The following HOXA13 variants were observed in gnomAD, a reference collection of about 807,000 sequenced individuals.
HOXA13 encodes the protein homeobox protein Hox-A13.
In HOXA13, 5 loss-of-function variants were observed where a neutral mutation model predicts 25.7. That is an observed-to-expected ratio of 0.19 (90% CI 0.10 to 0.41). The LOEUF (loss-of-function observed/expected upper bound fraction) is 0.41. HOXA13 is among the 10% of genes least tolerant of loss of function. HOXA13 has a pLI of 1.00. For synonymous variants in HOXA13, 284 were observed against 241.1 expected, an observed-to-expected ratio of 1.18 and a Z score of -1.65; for missense variants, 557 against 533.5, an observed-to-expected ratio of 1.04 and a Z score of -0.43.
rs1468323601 is a variant in HOXA13, at chr7:27,198,336, C to T, written c.1029G>A (p.Thr343=). ...GTTTGTCCTTAGTAATGAATTTATT[C>T]GTGGCGTATTCCCGTTCAAGTTCTT... ...QLKELEREYA[T]NKFITKDKRR... The change falls in exon 2 of 2, where the codon ACG becomes ACA. Residue 343 remains threonine, a synonymous_variant. Transcript: ENST00000649031. 6.2e-7 allele frequency: 1 copy of T among 1,614,060 alleles called. No homozygotes were observed. The highest frequency in any genetic ancestry group is 8.5e-7 in the Non-Finnish European group (1 of 1,180,044).
Position 27,194,440 on chromosome 7 carries a change from C to A in HOXA13, c.*3758G>T, listed in dbSNP as rs2115468903. On this transcript the variant is annotated 3_prime_UTR_variant, in exon 2 of 2. Coordinates refer to ENST00000649031, the MANE Select transcript of HOXA13 (RefSeq NM_000522.5). ...TTTAGAAAAAAATACTTTAATCAGG[C>A]TTTCAACAACATTATCCATGGGTCA... is the stretch of plus-strand genomic sequence containing the variant. The A allele has an allele frequency of 6.6e-6, 1 of 152,206 alleles. No homozygotes were observed. Among genetic ancestry groups the A allele is most frequent in the South Asian group, 2.1e-4 (1 of 4,826 alleles). 9.4% of individuals were successfully genotyped at this position (152,206 alleles called of 1,614,324 possible). A position where few individuals can be genotyped will look rare whatever the true frequency, so the allele number is the denominator to read the frequency against.
At position 27,195,262 on chromosome 7, in the gene HOXA13, G is replaced by C. The variant is rs1783991242; in HGVS notation, c.*2936C>G. 1 of 152,224 alleles carries C rather than the reference G, an allele frequency of 6.6e-6. No homozygotes were observed. Among genetic ancestry groups the C allele is most frequent in the African/African-American group, 2.4e-5 (1 of 41,460 alleles). The allele number at this position is 152,224 out of a possible 1,614,324, so 9.4% of individuals were successfully genotyped here. On this transcript the variant is annotated 3_prime_UTR_variant, in exon 2 of 2. Coordinates refer to ENST00000649031, the MANE Select transcript of HOXA13 (RefSeq NM_000522.5). ...AGTTGTGAGTCCTCAGGAGAGGTTG[G>C]AGAGGTTTCCGGCAGCCACTTTTGT...
At position 27,198,081 on chromosome 7, in the gene HOXA13, T is replaced by TCCC; in HGVS notation, c.*116_*117insGGG. 8.6e-7 allele frequency: 1 copy of TCCC among 1,158,958 alleles called. No individual in the cohort carries two copies. The highest frequency in any genetic ancestry group is 1.5e-5 in the African/African-American group (1 of 65,318). The allele number at this position is 1,158,958 out of a possible 1,614,324, so 71.8% of individuals were successfully genotyped here. On this transcript the variant is annotated 3_prime_UTR_variant, in exon 2 of 2. Coordinates refer to ENST00000649031, the MANE Select transcript of HOXA13 (RefSeq NM_000522.5). ...TTCGGGAGAGGAAAATGCCAGTCTC[T>TCCC]GTCTCTTTCTCTTTCCCATTCTTCA...
At position 27,194,505 on chromosome 7, in the gene HOXA13, G is replaced by A. The variant is rs1783982729; in HGVS notation, c.*3693C>T. On this transcript the variant is annotated 3_prime_UTR_variant, in exon 2 of 2. Transcript: ENST00000649031. ...TATTCCTATTTTTCAGGAGGTGGCT[G>A]GTCTCTCCTTGATTTTTGTTTTTGT... 1 of 152,082 alleles carries A rather than the reference G, an allele frequency of 6.6e-6. No homozygotes were observed. The highest frequency in any genetic ancestry group is 6.6e-5 in the Admixed American group (1 of 15,264). 9.4% of individuals were successfully genotyped at this position (152,082 alleles called of 1,614,324 possible). A position where few individuals can be genotyped will look rare whatever the true frequency, so the allele number is the denominator to read the frequency against.
At position 27,199,694 on chromosome 7, in the gene HOXA13, GGCGGCTGCAGCGGCAGCCGCGGCAGCA is replaced by G. The variant is rs1319557765; in HGVS notation, c.357_383del (p.Ala125_Ala133del). ...CCGAGGACGACGCGGCGGCGGCGGC[GGCGGCTGCAGCGGCAGCCGCGGCAGCA>G]GCGGCGGCAGCCGACGGGGGCGCCT... On this transcript the variant is annotated inframe_deletion, in exon 1 of 2. Coordinates refer to ENST00000649031, the MANE Select transcript of HOXA13 (RefSeq NM_000522.5). 12 of 1,106,614 alleles carry G rather than the reference GGCGGCTGCAGCGGCAGCCGCGGCAGCA, an allele frequency of 1.1e-5. No homozygotes were observed. Among genetic ancestry groups the G allele is most frequent in the Admixed American group, 5.1e-5 (1 of 19,592 alleles). 68.5% of individuals were successfully genotyped at this position (1,106,614 alleles called of 1,614,324 possible).
rs113679804 is a variant in HOXA13, at chr7:27,199,033, G to A, written c.922+123C>T. ...GCCAGCCATGCTCGGGCTCCCAGGG[G>A]TGCAGAGCCGCTAGGGCAGACCAGG... On this transcript the variant is annotated intron_variant, in intron 1 of 1. Transcript: ENST00000649031. 4.4e-6 allele frequency: 4 copies of A among 915,564 alleles called. No individual in the cohort carries two copies. In the African/African-American group the frequency reaches 5.0e-5, roughly 11 times the overall value. 56.7% of individuals were successfully genotyped at this position (915,564 alleles called of 1,614,324 possible). A position where few individuals can be genotyped will look rare whatever the true frequency, so the allele number is the denominator to read the frequency against.
rs1220668905 is a variant in HOXA13 at position 27,195,043 on chromosome 7, G to C, written c.*3155C>G. 1 of 152,210 alleles carries C rather than the reference G, an allele frequency of 6.6e-6. No individual in the cohort carries two copies. The highest frequency in any genetic ancestry group is 6.5e-5 in the Admixed American group (1 of 15,272). 9.4% of individuals were successfully genotyped at this position (152,210 alleles called of 1,614,324 possible). ...CTTGATGGCAGCTCATTTGGAAATG[G>C]AGTACTGTTTGGAACAAGAGGTGGA... On this transcript the variant is annotated 3_prime_UTR_variant, in exon 2 of 2. Transcript: ENST00000649031.
At position 27,196,463 on chromosome 7, in the gene HOXA13, G is replaced by A. The variant is rs567204562; in HGVS notation, c.*1735C>T. On this transcript the variant is annotated 3_prime_UTR_variant, in exon 2 of 2. Coordinates refer to ENST00000649031, the MANE Select transcript of HOXA13 (RefSeq NM_000522.5). ...ACAAATTGTCTTTTTTTTCGTCAAG[G>A]TCAAGGTTTAAGGCCTTTCGTAGTC... The A allele has an allele frequency of 3.9e-5, 6 of 152,204 alleles. No homozygotes were observed. The East Asian group carries it at 5.8e-4, about 15-fold the overall frequency. 9.4% of individuals were successfully genotyped at this position (152,204 alleles called of 1,614,324 possible).
At position 27,198,395 on chromosome 7, in the gene HOXA13, T is replaced by C. The variant is rs1207176698; in HGVS notation, c.970A>G (p.Lys324Glu). ...ACCTTGGTATAAGGCACGCGCTTCT[T>C]TCTCCCCCTCCTATAGGAGCTGGCA... is the stretch of plus-strand genomic sequence containing the variant. Reference protein sequence around the residue: ...SDASSYRRGRKKRVPYTKVQL... With the variant: ...SDASSYRRGREKRVPYTKVQL... Residue 324 changes from lysine to glutamate, a missense_variant, in exon 2 of 2, where the codon AAG (lysine) becomes GAG (glutamate). Transcript: ENST00000649031. The C allele has an allele frequency of 9.9e-6, 16 of 1,614,046 alleles. No individual in the cohort carries two copies.
Position 27,199,880 on chromosome 7 carries a change from T to A in HOXA13, c.198A>T (p.Ala66=). ...GGFPHPAAAA[A]GGNFSVAAAA... is the part of the protein sequence containing the mutation. The stretch of plus-strand genomic sequence containing the variant: ...CCGCCGCCACCGAGAAGTTGCCCCC[T>A]GCCGCCGCAGCCGCCGGGTGGGGGA... The change falls in exon 1 of 2, where the codon GCA becomes GCT. Residue 66 remains alanine, a synonymous_variant. Transcript: ENST00000649031. 1.9e-6 allele frequency: 2 copies of A among 1,046,024 alleles called. No individual in the cohort carries two copies. Among genetic ancestry groups the A allele is most frequent in the Non-Finnish European group, 2.3e-6 (2 of 866,500 alleles). The allele number at this position is 1,046,024 out of a possible 1,614,324, so 64.8% of individuals were successfully genotyped here. A position where few individuals can be genotyped will look rare whatever the true frequency, so the allele number is the denominator to read the frequency against.
Position 27,199,860 on chromosome 7 carries a change from G to T in HOXA13, c.218C>A (p.Ala73Glu). Residue 73 changes from alanine (A) to glutamate (E), a missense_variant, in exon 1 of 2, where the codon GCG becomes GAG. Physicochemically the swap from Ala to Glu is moderately radical, Grantham distance 107. Coordinates refer to ENST00000649031, the MANE Select transcript of HOXA13 (RefSeq NM_000522.5). ...AAAAGGNFSV[A>E]AAAAAAAAAA... The stretch of plus-strand genomic sequence containing the variant: ...CGCCGCCGCAGCCGCGGCCGCCGCC[G>T]CCACCGAGAAGTTGCCCCCTGCCGC... The T allele has an allele frequency of 9.8e-7, 1 of 1,015,540 alleles. No homozygotes were observed. The allele number at this position is 1,015,540 out of a possible 1,614,324, so 62.9% of individuals were successfully genotyped here.
In HOXA13 at chr7:27,197,407, A is replaced by G. The variant is rs1784016532; in HGVS notation, c.*791T>C. 1 of 212,560 alleles carries G rather than the reference A, an allele frequency of 4.7e-6. No homozygotes were observed. The highest frequency in any genetic ancestry group is 9.5e-6 in the Non-Finnish European group (1 of 104,724). The allele number at this position is 212,560 out of a possible 1,614,324, so 13.2% of individuals were successfully genotyped here. A position where few individuals can be genotyped will look rare whatever the true frequency, so the allele number is the denominator to read the frequency against. On this transcript the variant is annotated 3_prime_UTR_variant, in exon 2 of 2. Transcript: ENST00000649031. The stretch of plus-strand genomic sequence containing the variant: ...TTCTGTGGATCATCTGATGATGTAA[A>G]CATTTTCAAAAAGATACAAAATCCT...
In HOXA13 at chr7:27,199,259, C is replaced by T. The variant is rs1583448391; in HGVS notation, c.819G>A (p.Met273Ile). Residue 273 changes from methionine (M) to isoleucine (I), a missense_variant, in exon 1 of 2, where the codon ATG becomes ATA. Coordinates refer to ENST00000649031, the MANE Select transcript of HOXA13 (RefSeq NM_000522.5). ...ESRHEPLGLPMESYQPWALPN... is the reference protein window; with the variant it reads ...ESRHEPLGLPIESYQPWALPN... The stretch of plus-strand genomic sequence containing the variant: ...GCAGCGCCCAGGGCTGGTAGCTTTC[C>T]ATGGGAAGACCCAAGGGTTCGTGGC... The T allele has an allele frequency of 6.2e-7, 1 of 1,614,086 alleles. No individual in the cohort carries two copies. Among genetic ancestry groups the T allele is most frequent in the African/African-American group, 1.3e-5 (1 of 75,070 alleles).
In HOXA13 at chr7:27,197,041, G is replaced by T. The variant is rs181330984; in HGVS notation, c.*1157C>A. ...TATTTACAAGATATCATTCTATAGT[G>T]AATATGAACAAAACGAATGTGCTGG... is the stretch of plus-strand genomic sequence containing the variant. On this transcript the variant is annotated 3_prime_UTR_variant, in exon 2 of 2. Transcript: ENST00000649031. 9.9e-6 allele frequency: 2 copies of T among 202,140 alleles called. No homozygotes were observed. Among genetic ancestry groups the T allele is most frequent in the East Asian group, 1.5e-4 (2 of 13,080 alleles). The allele number at this position is 202,140 out of a possible 1,614,324, so 12.5% of individuals were successfully genotyped here.
rs2115473055 is a variant in HOXA13 at position 27,199,847 on chromosome 7, C to T, written c.231G>A (p.Ala77=). 3.0e-6 allele frequency: 3 copies of T among 991,242 alleles called. No individual in the cohort carries two copies. The highest frequency in any genetic ancestry group is 3.6e-6 in the Non-Finnish European group (3 of 833,674). The allele number at this position is 991,242 out of a possible 1,614,324, so 61.4% of individuals were successfully genotyped here. The change falls in exon 1 of 2, where the codon GCG becomes GCA. Residue 77 remains alanine, a synonymous_variant. Coordinates refer to ENST00000649031, the MANE Select transcript of HOXA13 (RefSeq NM_000522.5). ...GGNFSVAAAA[A]AAAAAAANQC... is the part of the protein sequence containing the mutation. ...GGTTGGCCGCGGCCGCCGCCGCAGCCGCGGCCGCCGCCGCCACCGAGAAGT... is the reference window on the plus strand; with the variant it reads ...GGTTGGCCGCGGCCGCCGCCGCAGCTGCGGCCGCCGCCGCCACCGAGAAGT...
chr7:27,198,834 AGGGGCAATTTGG>A, intron 1 of HOXA13: 1 of 425,668 alleles, frequency 2.3e-6, no homozygotes, highest in Non-Finnish European at 4.2e-6. Context: ...ATGAATAGGG[AGGGGCAATTTGG>A]GGAGCTGTTT....
At chr7:27,198,748 C>T (rs963497841) in intron 1 of HOXA13, 2 of 529,614 alleles carry the variant, frequency 3.8e-6, no homozygotes, top group Non-Finnish European at 6.8e-6. Context: ...CAAGGTACAA[C>T]ACTTCTGTGC....
At chr7:27,198,542 G>T in intron 1 of HOXA13, 100 bp from the exon 2 acceptor site, 3 of 1,427,634 alleles carry the variant, frequency 2.1e-6, no homozygotes, top group Middle Eastern at 2.4e-4. Context: ...GCGCCCGGCT[G>T]CTCTTTGCCA....
chr7:27,195,153 G>C lies in HOXA13; in HGVS notation c.*3045C>G, dbSNP rs1011633360. 1 of 152,152 alleles carries C rather than the reference G, an allele frequency of 6.6e-6. No homozygotes were observed. Among genetic ancestry groups the C allele is most frequent in the African/African-American group, 2.4e-5 (1 of 41,430 alleles). 9.4% of individuals were successfully genotyped at this position (152,152 alleles called of 1,614,324 possible). ...GCAGCAAAATATAATTGAATTTCTC[G>C]AGACCTTTCGATATGTATGTTTCAA... On this transcript the variant is annotated 3_prime_UTR_variant, in exon 2 of 2. Coordinates refer to ENST00000649031, the MANE Select transcript of HOXA13 (RefSeq NM_000522.5).
Sources: allele counts gnomAD v4.1 joint callset, GRCh38; gene constraint gnomAD v4.1.1; transcripts MANE v1.5; gene names NCBI Gene and HGNC (gene_info 2026-07-23, HGNC 2026-07-21).